The following LPO variants were observed in gnomAD, a reference collection of about 807,000 sequenced individuals.
LPO encodes the protein lactoperoxidase, also known as salivary peroxidase.
LPO carries 70 observed loss-of-function variants against 68.4 expected under a neutral mutation model. The ratio of observed to expected loss-of-function variants is 1.02; its 90% CI spans 0.84 to 1.25. LPO has a LOEUF of 1.25. Among genes scored for constraint, LPO ranks in the 50% most tolerant of loss-of-function variants. The pLI, the probability that LPO is intolerant of heterozygous loss-of-function variation, is 0.00. For synonymous variants in LPO, 360 were observed against 357.6 expected (o/e 1.01, Z -0.08); for missense variants, 873 against 908.4 (o/e 0.96, Z 0.50).
At chr17:58,266,836 A>G (rs1970276826) in intron 11 of LPO, among the ~76,000 whole-genome samples, 1 of 152,200 alleles carries the variant, frequency 6.6e-6, no homozygotes, top group Non-Finnish European at 1.5e-5. Context: ...AAGAGCATAT[A>G]TCTGGTACTA....
At chr17:58,253,643 G>T (rs1037339629) in intron 8 of LPO, among the ~76,000 whole-genome samples, 1 of 152,062 alleles carries the variant, frequency 6.6e-6, no homozygotes, top group Non-Finnish European at 1.5e-5. Flanking sequence ...TCTCTCTTTG[G>T]ACAAACCCCC....
chr17:58,249,701 G>C lies in LPO; in HGVS notation c.573+6G>C, dbSNP rs903759692. On this transcript the variant is annotated splice_donor_region_variant and intron_variant, in intron 6 of 12. Coordinates refer to ENST00000262290, the MANE Select transcript of LPO (RefSeq NM_006151.3). ...ACGGCTTCCCTCTCCCGCTGGTGAG[G>C]GCAGGCCGGGCCGGGGTGAAGGATG... The C allele has an allele frequency of 2.6e-6, 4 of 1,556,948 alleles. No individual in the cohort carries two copies. In the African/African-American group the frequency reaches 4.1e-5, roughly 16 times the overall value.
At chr17:58,247,811 A>G (rs865917934) in intron 4 of LPO, among the ~76,000 whole-genome samples, 173 bp downstream of exon 4, 16 of 152,332 alleles carry the variant, frequency 1.1e-4, no homozygotes, top group Middle Eastern at 3.4e-3. Context: ...AAGGTCTTAG[A>G]GGACAGCTAG....
At chr17:58,246,369 G>A (rs1969852318) in intron 3 of LPO, among the ~76,000 whole-genome samples, 1 of 152,214 alleles carries the variant, frequency 6.6e-6, no homozygotes, top group South Asian at 2.1e-4. Flanking sequence ...CAGCCCTGTG[G>A]AGAACGAATG....
intron 3 of LPO, among the ~76,000 whole-genome samples, chr17:58,246,017 A>G (rs1373430050): frequency 6.6e-6 from 1 of 152,198 alleles, no homozygotes. Context: ...CCAAGTACAT[A>G]CACAGTGCAG....
chr17:58,259,724 T>G (rs1205225298), intron 9 of LPO, among the ~76,000 whole-genome samples: 1 of 152,210 alleles, frequency 6.6e-6, no homozygotes, highest in Admixed American at 6.5e-5. Context: ...GTCTCCCCAA[T>G]CTTTAGATTT....
intron 8 of LPO, among the ~76,000 whole-genome samples, chr17:58,253,515 A>C (rs932094771): frequency 3.3e-5 from 5 of 152,172 alleles, no homozygotes; most frequent in African/African-American, 1.2e-4. Context: ...CTGGGGACAA[A>C]ATCCCCATTC....
At chr17:58,267,762 A>C (rs755464666) in intron 12 of LPO, 25 bp from the exon 13 acceptor site, 1 of 1,605,882 alleles carries the variant, frequency 6.2e-7, no homozygotes, top group African/African-American at 1.3e-5. Context: ...CAGACTGTGG[A>C]GTGACTCTAC....
chr17:58,247,691 G>C, intron 4 of LPO, 53 bp downstream of exon 4: 1 of 1,577,154 alleles, frequency 6.3e-7, no homozygotes, highest in Middle Eastern at 1.7e-4. Context: ...CTCCCCACAG[G>C]AGAAAGCAGA....
intron 7 of LPO, chr17:58,251,542 T>C: frequency 4.5e-6 from 1 of 224,096 alleles, no homozygotes. Flanking sequence ...GCATCTTTTC[T>C]TATTATTCAT....
At chr17:58,250,367 A>G in intron 6 of LPO, 48 bp from the exon 7 acceptor site, 1 of 1,472,692 alleles carries the variant, frequency 6.8e-7, no homozygotes, top group Non-Finnish European at 9.5e-7. Context: ...TGAATCCTCA[A>G]AGCACTTTTT....
intron 3 of LPO, 24 bp downstream of exon 3, chr17:58,244,105 A>G (rs1163321705): frequency 1.6e-5 from 21 of 1,339,104 alleles, no homozygotes; most frequent in Non-Finnish European, 2.0e-5. Context: ...ACACACACAC[A>G]CACACACACA....
At chr17:58,239,867 G>A (rs1429184742) in intron 1 of LPO, among the ~76,000 whole-genome samples, 1 of 152,136 alleles carries the variant, frequency 6.6e-6, no homozygotes. Context: ...TGAGAGGCTT[G>A]CCGAGGGACT....
chr17:58,261,889 G>T (rs2143937674), intron 9 of LPO, among the ~76,000 whole-genome samples: 1 of 152,152 alleles, frequency 6.6e-6, no homozygotes, highest in East Asian at 1.9e-4. Context: ...ACAACCTATT[G>T]GTGTCAGTGC....
chr17:58,243,116 G>A, intron 2 of LPO, 61 bp downstream of exon 2: 1 of 1,498,252 alleles, frequency 6.7e-7, no homozygotes, highest in Non-Finnish European at 9.3e-7. Context: ...CAACTGGATG[G>A]CCTAAGACAA....
rs549132966 is a variant in LPO, at chr17:58,251,921, C to G, written c.781-261C>G. On this transcript the variant is annotated intron_variant, in intron 7 of 12. Transcript: ENST00000262290. The stretch of plus-strand genomic sequence containing the variant: ...TGTCCAGGGAGCTCAATACTCCCTC[C>G]TCACCAGAAATTTGGAGCCCTCACT... 4.2e-6 allele frequency: 3 copies of G among 711,162 alleles called. No individual in the cohort carries two copies. The African/African-American group carries it at 5.2e-5, about 12-fold the overall frequency. The allele number at this position is 711,162 out of a possible 1,614,324, so 44.1% of individuals were successfully genotyped here.
intron 9 of LPO, among the ~76,000 whole-genome samples, chr17:58,260,082 G>T (rs1970148289): frequency 6.6e-6 from 1 of 152,196 alleles, no homozygotes; most frequent in African/African-American, 2.4e-5. Context: ...TGAAGTGCTG[G>T]GATTACAGGC....
At chr17:58,239,838 T>C (rs1969721644) in intron 1 of LPO, among the ~76,000 whole-genome samples, 1 of 152,138 alleles carries the variant, frequency 6.6e-6, no homozygotes, top group Non-Finnish European at 1.5e-5. Context: ...CCCTAGGTGA[T>C]AGTAGGCACA....
intron 10 of LPO, 52 bp from the exon 11 acceptor site, chr17:58,266,101 T>G: frequency 6.4e-7 from 1 of 1,561,512 alleles, no homozygotes; most frequent in African/African-American, 1.4e-5. Flanking sequence ...CCATGAATGA[T>G]GTTCCCACTC....
Sources: allele counts gnomAD v4.1 joint callset (sites outside exome capture counted in the v4.1 genomes callset), GRCh38; gene constraint gnomAD v4.1.1; transcripts MANE v1.5; gene names NCBI Gene and HGNC (gene_info 2026-07-23, HGNC 2026-07-21).